PALB2: variants seen among roughly 807,000 people sequenced by gnomAD.
PALB2 encodes partner and localizer of BRCA2.
Under a neutral mutation model 107.4 loss-of-function variants are expected in PALB2, and 82 were observed. The observed-to-expected ratio is 0.76, with a 90% CI of 0.64 to 0.92. PALB2 has a LOEUF of 0.92. Ranked by LOEUF, PALB2 falls within the 40% of genes least tolerant of loss-of-function variation. The probability of loss-of-function intolerance (pLI) is 0.00; values close to 1 mark genes in which losing one functional copy is unlikely to be tolerated. For missense variants in PALB2, 1,374 were observed against 1,379.9 expected (o/e 1.00, Z 0.07); for synonymous variants, 489 against 496.8 (o/e 0.98, Z 0.21).
At position 23,619,312 on chromosome 16, in the gene PALB2, T is replaced by A. The variant is rs569016402; in HGVS notation, c.3113+2050A>T. On this transcript the variant is annotated intron_variant, in intron 10 of 12. Transcript: ENST00000261584. ...GGGGACTCCTGTGATGGTTTCCCTA[T>A]CACAAATCTGTTAATTTGGTTCCTG... is the stretch of plus-strand genomic sequence containing the variant. 5.3e-5 allele frequency among the ~76,000 whole-genome samples: 8 copies of A among 152,310 alleles called. No homozygotes were observed. The South Asian group carries it at 1.7e-3, about 32-fold the overall frequency.
intron 11 of PALB2, among the ~76,000 whole-genome samples, chr16:23,609,690 T>G (rs1365765089): frequency 6.6e-6 from 1 of 151,926 alleles, no homozygotes; most frequent in African/African-American, 2.4e-5. Context: ...GCTAATTTTT[T>G]GTACTTTTAG....
intron 11 of PALB2, among the ~76,000 whole-genome samples, chr16:23,613,402 G>C (rs940633188): frequency 6.6e-6 from 1 of 152,180 alleles, no homozygotes; most frequent in Non-Finnish European, 1.5e-5. Context: ...CCAGCACTTT[G>C]GGAGGCTGAG....
rs1967011347 is a variant in PALB2, at chr16:23,635,648, TAG to T, written c.896_897del (p.Ser299TyrfsTer3). The T allele has an allele frequency of 1.9e-6, 3 of 1,614,136 alleles. No homozygotes were observed. The highest frequency in any genetic ancestry group is 2.5e-6 in the Non-Finnish European group (3 of 1,179,960). On this transcript the variant is annotated frameshift_variant, in exon 4 of 13. Transcript: ENST00000261584. LOFTEE classifies it high-confidence loss of function. ...LEAQGKKMTV[S>X]TDNLLVNKAI... ...GCTTTATTTACAAGGAGGTTATCTG[TAG>T]AGACAGTCATTTTTTTGCCTTGTGC...
At chr16:23,605,465 A>G (rs1966453461) in intron 12 of PALB2, among the ~76,000 whole-genome samples, 1 of 152,146 alleles carries the variant, frequency 6.6e-6, no homozygotes, top group African/African-American at 2.4e-5. Context: ...CTGAAGTGCA[A>G]TGGCGAGATC....
intron 10 of PALB2, among the ~76,000 whole-genome samples, chr16:23,614,736 C>T (rs1292714959): frequency 2.7e-4 from 39 of 146,016 alleles, no homozygotes; most frequent in Non-Finnish European, 4.8e-4. Context: ...CTGCAAGCTC[C>T]GCCTCCCGGG....
chr16:23,603,491 C>T lies in PALB2; in HGVS notation c.3529G>A (p.Asp1177Asn). The change falls in exon 13 of 13, where the codon GAT (aspartate) becomes AAT (asparagine). Residue 1177 changes from aspartate (D) to asparagine (N), a missense_variant. Transcript: ENST00000261584. Reference protein sequence around the residue: ...TDSHLLAGQKDGNIFVYHYS With the variant: ...TDSHLLAGQKNGNIFVYHYS The stretch of plus-strand genomic sequence containing the variant: ...TAGTGGTATACAAATATATTTCCAT[C>T]TTTTTGTCCAGCCAGCAAATGAGAG... 1 of 1,613,766 alleles carries T rather than the reference C, an allele frequency of 6.2e-7. No individual in the cohort carries two copies. Among genetic ancestry groups the T allele is most frequent in the Non-Finnish European group, 8.5e-7 (1 of 1,179,734 alleles).
At chr16:23,631,713 A>G (rs1966879536) in intron 4 of PALB2, among the ~76,000 whole-genome samples, 1 of 152,232 alleles carries the variant, frequency 6.6e-6, no homozygotes, top group Non-Finnish European at 1.5e-5. Context: ...AATGAACTAA[A>G]AATACCTACA....
intron 11 of PALB2, 73 bp downstream of exon 11, chr16:23,613,931 C>T (rs1966632065): frequency 8.8e-7 from 1 of 1,134,132 alleles, no homozygotes; most frequent in African/African-American, 1.5e-5. Context: ...TTCATTACTG[C>T]TTATGACTTA....
intron 4 of PALB2, among the ~76,000 whole-genome samples, chr16:23,632,436 TC>T (rs572225383): frequency 4.9e-4 from 75 of 151,862 alleles, no homozygotes; most frequent in Non-Finnish European, 8.8e-4. Context: ...AGAGTGACAC[TC>T]CATCTCAAAA....
intron 10 of PALB2, among the ~76,000 whole-genome samples, chr16:23,619,219 A>C (rs1966732688): frequency 6.6e-6 from 1 of 152,182 alleles, no homozygotes; most frequent in South Asian, 2.1e-4. Context: ...TTCCTAATAC[A>C]AATTAAACTT....
At chr16:23,622,863 AC>A in intron 9 of PALB2, 105 bp downstream of exon 9, 1 of 1,271,586 alleles carries the variant, frequency 7.9e-7, no homozygotes, top group Non-Finnish European at 1.1e-6. Flanking sequence ...CTTATATTAC[AC>A]CCCCAGCACA....
rs988520747 is a variant in PALB2 at position 23,603,181 on chromosome 16, T to C, written c.*278A>G. 9 of 363,116 alleles carry C rather than the reference T, an allele frequency of 2.5e-5. No homozygotes were observed. The highest frequency in any genetic ancestry group is 4.3e-5 in the Admixed American group (1 of 23,300). 22.5% of individuals were successfully genotyped at this position (363,116 alleles called of 1,614,324 possible). A position where few individuals can be genotyped will look rare whatever the true frequency, so the allele number is the denominator to read the frequency against. On this transcript the variant is annotated 3_prime_UTR_variant, in exon 13 of 13. Transcript: ENST00000261584. ...CAAGCAGAATGTATAAAAATAAATA[T>C]TTATTGCCATTTGAAGCTTTATGTA...
Position 23,636,754 on chromosome 16 carries a change from T to C in PALB2, c.212-420A>G, listed in dbSNP as rs143468447. On this transcript the variant is annotated intron_variant, in intron 3 of 12. Coordinates refer to ENST00000261584, the MANE Select transcript of PALB2 (RefSeq NM_024675.4). ...TCACACAATCTCTTCTCTTAACTTC[T>C]AAATCTCAACTAGTTTTCTATCTCA... 1.9e-3 allele frequency among the ~76,000 whole-genome samples: 283 copies of C among 152,346 alleles called. 4 individuals carry two copies. In the East Asian group the frequency reaches 0.042, roughly 23 times the overall value.
Position 23,626,295 on chromosome 16 carries a change from G to A in PALB2, c.2689C>T (p.Leu897Phe), listed in dbSNP as rs761739493. ...IITACEDVVS[L>F]WKALDAWQWE... ...TGCCAAGCATCCAGAGCTTTCCAAA[G>A]AGAAACTACATCTTCGCAAGCAGTT... The change falls in exon 7 of 13, where the codon CTT (leucine) becomes TTT (phenylalanine). Residue 897 changes from leucine to phenylalanine, a missense_variant. Leu to Phe is a conservative substitution (Grantham distance 22). Transcript: ENST00000261584. 1.9e-6 allele frequency: 3 copies of A among 1,614,164 alleles called. No individual in the cohort carries two copies.
intron 1 of PALB2, chr16:23,638,433 C>G: frequency 2.1e-6 from 1 of 482,606 alleles, no homozygotes; most frequent in Non-Finnish European, 3.9e-6. Flanking sequence ...GTTAGACACT[C>G]TACCAGTCCT....
Position 23,611,007 on chromosome 16 carries a change from C to A in PALB2, c.3202-2995G>T, listed in dbSNP as rs1039329704. Among the ~76,000 whole-genome samples, 9 of 152,076 alleles carry A rather than the reference C, an allele frequency of 5.9e-5. No individual in the cohort carries two copies. The East Asian group carries it at 1.8e-3, about 30-fold the overall frequency. On this transcript the variant is annotated intron_variant, in intron 11 of 12. Coordinates refer to ENST00000261584, the MANE Select transcript of PALB2 (RefSeq NM_024675.4). ...TGAGCCGACATCACACCACTGTACT[C>A]CAGCCTGGGTGACAGAGCAAGAATC... is the stretch of plus-strand genomic sequence containing the variant.
intron 11 of PALB2, among the ~76,000 whole-genome samples, chr16:23,613,645 A>C (rs992124451): frequency 4.8e-5 from 7 of 145,062 alleles, no homozygotes; most frequent in Admixed American, 3.5e-4. Flanking sequence ...ACTCCATCCC[A>C]AAAAAAAAAA....
intron 1 of PALB2, 118 bp downstream of exon 1, chr16:23,640,992 G>C (rs984207277): frequency 8.8e-7 from 1 of 1,132,378 alleles, no homozygotes; most frequent in Non-Finnish European, 1.3e-6. Flanking sequence ...AGCCCTAAGA[G>C]GAGGGGGTGG....
chr16:23,607,356 T>A (rs1487034940), intron 12 of PALB2: 16 of 174,066 alleles, frequency 9.2e-5, no homozygotes, highest in Non-Finnish European at 2.0e-4. Flanking sequence ...TGGTATGATT[T>A]CAGCTCACTG....
Sources: gnomAD v4.1 joint callset for allele counts (sites outside exome capture counted in the v4.1 genomes callset) on GRCh38, gnomAD v4.1.1 for gene constraint, MANE v1.5 for transcripts, NCBI Gene and HGNC (gene_info 2026-07-23, HGNC 2026-07-21) for gene names.